The following GALR2 variants were observed in gnomAD, a reference collection of about 807,000 sequenced individuals.
GALR2 encodes the protein galanin receptor type 2.
A neutral mutation model predicts 7.2 loss-of-function variants in GALR2; 5 were observed. The ratio of observed to expected loss-of-function variants is 0.69; its 90% confidence interval spans 0.36 to 1.45. The LOEUF (loss-of-function observed/expected upper bound fraction) is 1.45, where lower values mean the gene tolerates loss of function less well. GALR2 is among the 40% of genes most tolerant of loss of function. GALR2 has a pLI of 0.03. For missense variants in GALR2, 561 were observed against 555.7 expected (o/e 1.01, Z -0.10); for synonymous variants, 300 against 263.9 (o/e 1.14, Z -1.32).
upstream of GALR2, chr17:76,072,373 T>C (rs747691330): frequency 1.2e-6 from 2 of 1,612,132 alleles, no homozygotes; most frequent in African/African-American, 2.7e-5. This position sits in a 1 kb window ranked among gnomAD's most constrained non-coding sequence, Gnocchi z 4.5. Context: ...GCGTTCGTTT[T>C]CTTTATTTTC....
At chr17:76,072,657 T>A, upstream of GALR2, 5 of 1,340,312 alleles carry the variant, frequency 3.7e-6, no homozygotes, top group Non-Finnish European at 4.9e-6. The surrounding 1 kb of genome is among the most constrained non-coding windows in gnomAD (Gnocchi z 4.5). Context: ...GCGCGAGGGA[T>A]CCTGTCATCC....
Position 76,076,571 on chromosome 17 carries a change from G to C in GALR2, c.369-65G>C. ...AGCAGCCTTGGGACCGAGGTGCAGGGGTCGCGGCCCTCCAGCATGAATGTG... is the reference window on the plus strand; with the variant it reads ...AGCAGCCTTGGGACCGAGGTGCAGGCGTCGCGGCCCTCCAGCATGAATGTG... On this transcript the variant is annotated intron_variant, in intron 1 of 1. Transcript: ENST00000329003. The surrounding 1 kb of genome is among the most constrained non-coding windows in gnomAD (Gnocchi z 6.5). 1 of 1,071,864 alleles carries C rather than the reference G, an allele frequency of 9.3e-7. No homozygotes were observed. Among genetic ancestry groups the C allele is most frequent in the South Asian group, 1.4e-5 (1 of 69,428 alleles). The allele number at this position is 1,071,864 out of a possible 1,614,324, so 66.4% of individuals were successfully genotyped here. A position where few individuals can be genotyped will look rare whatever the true frequency, so the allele number is the denominator to read the frequency against.
chr17:76,074,918 C>T lies in GALR2; in HGVS notation c.35C>T (p.Ala12Val), dbSNP rs1221909739. Residue 12 changes from alanine (A) to valine (V), a missense_variant, in exon 1 of 2, where the codon GCG (alanine) becomes GTG (valine). Physicochemically the swap from Ala to Val is moderately conservative, Grantham distance 64. Coordinates refer to ENST00000329003, the MANE Select transcript of GALR2 (RefSeq NM_003857.4). This position sits in a 1 kb window ranked among gnomAD's most constrained non-coding sequence, Gnocchi z 6.7. ...NVSGCPGAGN[A>V]SQAGGGGGWH... is the part of the protein sequence containing the mutation. ...TCGGGCTGCCCAGGGGCCGGGAACG[C>T]GAGCCAGGCGGGCGGCGGGGGAGGC... 1.9e-6 allele frequency: 3 copies of T among 1,545,292 alleles called. No individual in the cohort carries two copies. Among genetic ancestry groups the T allele is most frequent in the South Asian group, 1.2e-5 (1 of 85,376 alleles).
chr17:76,074,042 A>G (rs1222807064), upstream of GALR2, among the ~76,000 whole-genome samples: 2 of 152,194 alleles, frequency 1.3e-5, no homozygotes, highest in African/African-American at 4.8e-5. This position sits in a 1 kb window ranked among gnomAD's most constrained non-coding sequence, Gnocchi z 6.7. Context: ...GCTACTCGGG[A>G]GGCTGAGGCA....
In GALR2 at chr17:76,075,093, C is replaced by T; in HGVS notation, c.210C>T (p.Ala70=). 6.2e-7 allele frequency: 1 copy of T among 1,612,180 alleles called. No homozygotes were observed. The highest frequency in any genetic ancestry group is 8.5e-7 in the Non-Finnish European group (1 of 1,179,982). Residue 70 remains alanine, a synonymous_variant, in exon 1 of 2, where the codon GCC becomes GCT. Coordinates refer to ENST00000329003, the MANE Select transcript of GALR2 (RefSeq NM_003857.4). This position sits in a 1 kb window ranked among gnomAD's most constrained non-coding sequence, Gnocchi z 5.9. Reference sequence around the variant, plus strand: ...TGTTCATCCTTAACCTGGGCGTGGCCGACCTGTGTTTCATCCTGTGCTGCG... The same window carrying T: ...TGTTCATCCTTAACCTGGGCGTGGCTGACCTGTGTTTCATCCTGTGCTGCG... ...TNLFILNLGV[A]DLCFILCCVP...
At position 76,077,534 on chromosome 17, in the gene GALR2, C is replaced by A; in HGVS notation, c.*103C>A. The stretch of plus-strand genomic sequence containing the variant: ...AATAAAACGCACAAACCATTTCACA[C>A]ACAGTGACAGCGCTGTTTCGCGTTT... On this transcript the variant is annotated 3_prime_UTR_variant, in exon 2 of 2. Transcript: ENST00000329003. 9.5e-7 allele frequency: 1 copy of A among 1,047,894 alleles called. No individual in the cohort carries two copies. Among genetic ancestry groups the A allele is most frequent in the Non-Finnish European group, 1.3e-6 (1 of 747,028 alleles). 64.9% of individuals were successfully genotyped at this position (1,047,894 alleles called of 1,614,324 possible). A position where few individuals can be genotyped will look rare whatever the true frequency, so the allele number is the denominator to read the frequency against.
chr17:76,077,199 T>G lies in GALR2; in HGVS notation c.932T>G (p.Leu311Arg). ...KGFRTICAGL[L>R]GRAPGRASGR... ...TTCCGCACGATCTGCGCGGGCCTGC[T>G]GGGCCGTGCCCCAGGCCGAGCCTCG... Residue 311 changes from leucine to arginine, a missense_variant, in exon 2 of 2, where the codon CTG becomes CGG. Physicochemically the swap from Leu to Arg is moderately radical, Grantham distance 102. Transcript: ENST00000329003. 6.2e-7 allele frequency: 1 copy of G among 1,609,580 alleles called. No homozygotes were observed. Among genetic ancestry groups the G allele is most frequent in the Non-Finnish European group, 8.5e-7 (1 of 1,178,668 alleles).
upstream of GALR2, chr17:76,072,045 C>A: frequency 1.7e-6 from 1 of 600,148 alleles, no homozygotes. The surrounding 1 kb of genome is among the most constrained non-coding windows in gnomAD (Gnocchi z 4.5). Context: ...TGGACAACTG[C>A]GGGGCACCAG....
chr17:76,074,446 C>G (rs1598274795), upstream of GALR2, among the ~76,000 whole-genome samples: 1 of 152,348 alleles, frequency 6.6e-6, no homozygotes, highest in South Asian at 2.1e-4. The surrounding 1 kb of genome is among the most constrained non-coding windows in gnomAD (Gnocchi z 6.7). Context: ...CGCCGAGGCG[C>G]GCGGAGTGCG....
rs941626520 is a variant in GALR2 at position 76,074,848 on chromosome 17, T to G, written c.-36T>G. The stretch of plus-strand genomic sequence containing the variant: ...TCCCGCTCGCGGAGACCCAGACGGC[T>G]GCAGGAGCCCGGGCAGCCTCGGGGT... On this transcript the variant is annotated 5_prime_UTR_variant, in exon 1 of 2. Coordinates refer to ENST00000329003, the MANE Select transcript of GALR2 (RefSeq NM_003857.4). This position sits in a 1 kb window ranked among gnomAD's most constrained non-coding sequence, Gnocchi z 6.7. 2.1e-6 allele frequency: 3 copies of G among 1,462,434 alleles called. No homozygotes were observed. Among genetic ancestry groups the G allele is most frequent in the African/African-American group, 1.4e-5 (1 of 70,498 alleles). The allele number at this position is 1,462,434 out of a possible 1,614,324, so 90.6% of individuals were successfully genotyped here.
rs562673260 is a variant in GALR2, at chr17:76,076,514, G to A, written c.369-122G>A. On this transcript the variant is annotated intron_variant, in intron 1 of 1. Transcript: ENST00000329003. This position sits in a 1 kb window ranked among gnomAD's most constrained non-coding sequence, Gnocchi z 6.5. Reference sequence around the variant, plus strand: ...CCTCACCCCCACCTCCTCTGTGTGCGGTGTAACCATGCGCTAAGGACCTTC... The same window carrying A: ...CCTCACCCCCACCTCCTCTGTGTGCAGTGTAACCATGCGCTAAGGACCTTC... 5.4e-4 allele frequency: 342 copies of A among 637,370 alleles called. 4 individuals carry two copies. The South Asian group carries it at 6.4e-3, about 12-fold the overall frequency. The allele number at this position is 637,370 out of a possible 1,614,324, so 39.5% of individuals were successfully genotyped here.
chr17:76,075,860 C>T lies in GALR2; in HGVS notation c.368+609C>T, dbSNP rs2066886071. Among the ~76,000 whole-genome samples, 1 of 152,160 alleles carries T rather than the reference C, an allele frequency of 6.6e-6. No homozygotes were observed. Among genetic ancestry groups the T allele is most frequent in the Admixed American group, 6.5e-5 (1 of 15,282 alleles). On this transcript the variant is annotated intron_variant, in intron 1 of 1. Transcript: ENST00000329003. The surrounding 1 kb of genome is among the most constrained non-coding windows in gnomAD (Gnocchi z 5.9). ...GCCCACTCTGCCTCTCGCCTCCAAA[C>T]AAAACAAAACAAAATAAAATCCAAA... is the stretch of plus-strand genomic sequence containing the variant.
chr17:76,076,090 C>T lies in GALR2; in HGVS notation c.369-546C>T, dbSNP rs993548661. Among the ~76,000 whole-genome samples the T allele has an allele frequency of 1.7e-4, 26 of 152,386 alleles. No individual in the cohort carries two copies. The highest frequency in any genetic ancestry group is 5.3e-4 in the African/African-American group (22 of 41,602). On this transcript the variant is annotated intron_variant, in intron 1 of 1. Coordinates refer to ENST00000329003, the MANE Select transcript of GALR2 (RefSeq NM_003857.4). The surrounding 1 kb of genome is among the most constrained non-coding windows in gnomAD (Gnocchi z 6.5). Reference sequence around the variant, plus strand: ...CGAGGCCAGACTGCCCCCACACCTCCTGTAGCCACTGAGCGCGAAGTGCGT... The same window carrying T: ...CGAGGCCAGACTGCCCCCACACCTCTTGTAGCCACTGAGCGCGAAGTGCGT...
In GALR2 at chr17:76,075,026, C is replaced by A. The variant is rs867896018; in HGVS notation, c.143C>A (p.Ala48Glu). Residue 48 changes from alanine (A) to glutamate (E), a missense_variant, in exon 1 of 2, where the codon GCG becomes GAG. Transcript: ENST00000329003. This position sits in a 1 kb window ranked among gnomAD's most constrained non-coding sequence, Gnocchi z 5.9. ...VGTVGNTLVL[A>E]VLLRGGQAVS... ...ACCGTGGGCAACACGCTGGTGCTGG[C>A]GGTGCTGCTGCGCGGCGGCCAGGCG... 4 of 1,609,966 alleles carry A rather than the reference C, an allele frequency of 2.5e-6. No homozygotes were observed. The highest frequency in any genetic ancestry group is 3.4e-6 in the Non-Finnish European group (4 of 1,179,956).
rs374468063 is a variant in GALR2, at chr17:76,076,770, A to G, written c.503A>G (p.Gln168Arg). The G allele has an allele frequency of 3.0e-5, 48 of 1,606,002 alleles. No individual in the cohort carries two copies. Among genetic ancestry groups the G allele is most frequent in the East Asian group, 2.7e-4 (12 of 44,890 alleles). The change falls in exon 2 of 2, where the codon CAG (glutamine) becomes CGG (arginine). Residue 168 changes from glutamine to arginine, a missense_variant. Transcript: ENST00000329003. The surrounding 1 kb of genome is among the most constrained non-coding windows in gnomAD (Gnocchi z 6.5). ...GPYLSYYRQSQLANLTVCHPA... is the reference protein window; with the variant it reads ...GPYLSYYRQSRLANLTVCHPA... ...TACCTGAGCTACTACCGCCAGTCGC[A>G]GCTGGCCAACCTGACCGTGTGCCAT...
Position 76,075,311 on chromosome 17 carries a change from G to A in GALR2, c.368+60G>A, listed in dbSNP as rs2066883641. The A allele has an allele frequency of 6.5e-7, 1 of 1,543,314 alleles. No individual in the cohort carries two copies. Among genetic ancestry groups the A allele is most frequent in the Middle Eastern group, 2.2e-4 (1 of 4,648 alleles). ...CATCCACGCGGGGGATGGAGCGGGA[G>A]GCGGGACTGGGGACCAAGAAGGGAC... On this transcript the variant is annotated intron_variant, in intron 1 of 1. Coordinates refer to ENST00000329003, the MANE Select transcript of GALR2 (RefSeq NM_003857.4). This position sits in a 1 kb window ranked among gnomAD's most constrained non-coding sequence, Gnocchi z 5.9.
upstream of GALR2, among the ~76,000 whole-genome samples, chr17:76,073,275 T>A (rs2066869907): frequency 6.6e-6 from 1 of 151,074 alleles, no homozygotes; most frequent in Non-Finnish European, 1.5e-5. Context: ...TTTAAGTGGT[T>A]GTTAGGAAGA....
chr17:76,076,665 C>A lies in GALR2; in HGVS notation c.398C>A (p.Ser133Tyr). Residue 133 changes from serine (S) to tyrosine (Y), a missense_variant, in exon 2 of 2, where the codon TCC (serine) becomes TAC (tyrosine). Transcript: ENST00000329003. The surrounding 1 kb of genome is among the most constrained non-coding windows in gnomAD (Gnocchi z 6.5). ...CTGGCCATCCGCTACCCGCTGCACT[C>A]CCGCGAGCTGCGCACGCCTCGAAAC... ...RYLAIRYPLH[S>Y]RELRTPRNAL... The A allele has an allele frequency of 6.3e-7, 1 of 1,595,214 alleles. No homozygotes were observed.
At position 76,074,857 on chromosome 17, in the gene GALR2, C is replaced by T. The variant is rs926087388; in HGVS notation, c.-27C>T. The T allele has an allele frequency of 6.8e-7, 1 of 1,470,764 alleles. No homozygotes were observed. The highest frequency in any genetic ancestry group is 1.4e-5 in the South Asian group (1 of 73,300). 91.1% of individuals were successfully genotyped at this position (1,470,764 alleles called of 1,614,324 possible). On this transcript the variant is annotated 5_prime_UTR_variant, in exon 1 of 2. Transcript: ENST00000329003. The surrounding 1 kb of genome is among the most constrained non-coding windows in gnomAD (Gnocchi z 6.7). ...CGGAGACCCAGACGGCTGCAGGAGCCCGGGCAGCCTCGGGGTCAGCGGCAC... is the reference window on the plus strand; with the variant it reads ...CGGAGACCCAGACGGCTGCAGGAGCTCGGGCAGCCTCGGGGTCAGCGGCAC...
Sources: gnomAD v4.1 joint callset for allele counts (sites outside exome capture counted in the v4.1 genomes callset) on GRCh38, gnomAD v4.1.1 for gene constraint, Gnocchi (gnomAD v3.1) non-coding constraint, MANE v1.5 for transcripts, NCBI Gene and HGNC (gene_info 2026-07-23, HGNC 2026-07-21) for gene names.